Variants in CACNA2D4 observed in about 807,000 individuals in gnomAD.
The protein encoded by CACNA2D4 is voltage-dependent calcium channel subunit alpha-2/delta-4.
In CACNA2D4, 157 loss-of-function variants were observed where a neutral mutation model predicts 163.8. The observed-to-expected ratio is 0.96, with a 90% CI of 0.84 to 1.09. The LOEUF is 1.09. Among genes scored for constraint, CACNA2D4 ranks in the 50% least tolerant of loss-of-function variants. The probability of loss-of-function intolerance (pLI) is 0.00; values close to 1 mark genes in which losing one functional copy is unlikely to be tolerated. For synonymous variants in CACNA2D4, 598 were observed against 586.9 expected (o/e 1.02, Z -0.27); for missense variants, 1,410 against 1,479.9 (o/e 0.95, Z 0.78).
intron 24 of CACNA2D4, among the ~76,000 whole-genome samples, chr12:1,845,671 C>T (rs537278029): frequency 5.3e-5 from 8 of 152,226 alleles, no homozygotes; most frequent in African/African-American, 1.4e-4. Context: ...CAGGTGGCAC[C>T]GCTCGGCCCC....
At chr12:1,821,199 G>A (rs574299729) in intron 26 of CACNA2D4, among the ~76,000 whole-genome samples, 70 of 152,330 alleles carry the variant, frequency 4.6e-4, no homozygotes, top group African/African-American at 1.6e-3. Flanking sequence ...CAAGAAACTC[G>A]GGGGTCATGG....
chr12:1,883,107 T>C lies in CACNA2D4; in HGVS notation c.1352-107A>G, dbSNP rs1866046577. ...GCAGATGGCTCATAGCCGAATACTCTCTGGAAACTGGACCGGGGCACAGGG... is the reference window on the plus strand; with the variant it reads ...GCAGATGGCTCATAGCCGAATACTCCCTGGAAACTGGACCGGGGCACAGGG... On this transcript the variant is annotated intron_variant, in intron 12 of 37. Transcript: ENST00000382722. This position sits in a 1 kb window ranked among gnomAD's most constrained non-coding sequence, Gnocchi z 4.5. The C allele has an allele frequency of 3.9e-6, 5 of 1,267,228 alleles. No individual in the cohort carries two copies. The highest frequency in any genetic ancestry group is 5.4e-6 in the Non-Finnish European group (5 of 921,752). The allele number at this position is 1,267,228 out of a possible 1,614,324, so 78.5% of individuals were successfully genotyped here.
intron 6 of CACNA2D4, among the ~76,000 whole-genome samples, chr12:1,904,072 C>T (rs372377706): frequency 7.9e-5 from 12 of 152,116 alleles, no homozygotes; most frequent in African/African-American, 2.6e-4. Context: ...TCATTTGCAA[C>T]AACATGAATG....
At position 1,797,923 on chromosome 12, in the gene CACNA2D4, C is replaced by T. The variant is rs117705360; in HGVS notation, c.2996-388G>A. Among the ~76,000 whole-genome samples, 1,363 of 152,244 alleles carry T rather than the reference C, an allele frequency of 9.0e-3. 10 individuals are homozygous for T. Among genetic ancestry groups the T allele is most frequent in the Non-Finnish European group, 0.013 (896 of 67,982 alleles). On this transcript the variant is annotated intron_variant, in intron 34 of 37. Coordinates refer to ENST00000382722, the MANE Select transcript of CACNA2D4 (RefSeq NM_172364.5). ...GGCACCAAGGGGTGGCTTGGGGGTA[C>T]TTAGGCCCACCACCCCTCCCTTCAC... is the stretch of plus-strand genomic sequence containing the variant.
At chr12:1,857,185 T>C (rs1865418680) in intron 20 of CACNA2D4, among the ~76,000 whole-genome samples, 1 of 152,168 alleles carries the variant, frequency 6.6e-6, no homozygotes, top group Non-Finnish European at 1.5e-5. Flanking sequence ...ATCTGTGCTG[T>C]GGAAGGGCAG....
chr12:1,812,573 C>A (rs190876361), intron 26 of CACNA2D4, among the ~76,000 whole-genome samples: 4 of 152,248 alleles, frequency 2.6e-5, no homozygotes, highest in African/African-American at 9.6e-5. Flanking sequence ...CTGCGCTGGG[C>A]GCTTAGAACG....
In CACNA2D4 at chr12:1,806,101, C is replaced by T. The variant is rs553125343; in HGVS notation, c.2721+4177G>A. 1.3e-5 allele frequency among the ~76,000 whole-genome samples: 2 copies of T among 152,188 alleles called. No homozygotes were observed. Among genetic ancestry groups the T allele is most frequent in the African/African-American group, 4.8e-5 (2 of 41,432 alleles). On this transcript the variant is annotated intron_variant, in intron 29 of 37. Transcript: ENST00000382722. This position sits in a 1 kb window ranked among gnomAD's most constrained non-coding sequence, Gnocchi z 4.1. ...AGGGAAAGGTGCTGGGATGGGGCCTCGGATTTTCTAGGCTGCAGTTGCTGC... is the reference window on the plus strand; with the variant it reads ...AGGGAAAGGTGCTGGGATGGGGCCTTGGATTTTCTAGGCTGCAGTTGCTGC...
chr12:1,831,784 C>A (rs1864646823), intron 26 of CACNA2D4, among the ~76,000 whole-genome samples: 2 of 151,374 alleles, frequency 1.3e-5, no homozygotes, highest in African/African-American at 2.4e-5. Flanking sequence ...ATCCCCTCCC[C>A]CAGCCAGCTC....
At chr12:1,795,547 G>T (rs904470348) in intron 36 of CACNA2D4, 121 bp downstream of exon 36, 3 of 839,500 alleles carry the variant, frequency 3.6e-6, no homozygotes, top group Non-Finnish European at 5.5e-6. Context: ...ACAAATAACG[G>T]AGCCCTGTGG....
chr12:1,856,214 A>T lies in CACNA2D4; in HGVS notation c.2024T>A (p.Leu675His). ...TSVEEGLHDL[L>H]HPDLALAGDW... ...ACCGGCCAGGGCCAGGTCTGGGTGA[A>T]GCAAGTCATGCAGGCCTGAAACCAG... The change falls in exon 21 of 38, where the codon CTT becomes CAT. Residue 675 changes from leucine (L) to histidine (H), a missense_variant. Coordinates refer to ENST00000382722, the MANE Select transcript of CACNA2D4 (RefSeq NM_172364.5). 6.2e-7 allele frequency: 1 copy of T among 1,614,022 alleles called. No individual in the cohort carries two copies. The highest frequency in any genetic ancestry group is 8.5e-7 in the Non-Finnish European group (1 of 1,179,896).
chr12:1,817,794 T>C (rs1174155903), intron 26 of CACNA2D4, among the ~76,000 whole-genome samples: 1 of 152,018 alleles, frequency 6.6e-6, no homozygotes, highest in Non-Finnish European at 1.5e-5. Context: ...TGCTCAATGG[T>C]GCCCAGGCTG....
intron 37 of CACNA2D4, among the ~76,000 whole-genome samples, chr12:1,794,201 T>G (rs1172568094): frequency 1.3e-5 from 2 of 152,136 alleles, no homozygotes; most frequent in Non-Finnish European, 2.9e-5. Context: ...GTAGCGGGAA[T>G]GAGGACAAGA....
At chr12:1,892,708 T>TA (rs372754012) in intron 6 of CACNA2D4, among the ~76,000 whole-genome samples, 17 of 150,994 alleles carry the variant, frequency 1.1e-4, no homozygotes, top group South Asian at 4.2e-4. Flanking sequence ...CTGAATGGTT[T>TA]AAAAAAAAAG....
At chr12:1,896,495 AAATGGCC>A (rs1327470005) in intron 6 of CACNA2D4, among the ~76,000 whole-genome samples, 1 of 152,172 alleles carries the variant, frequency 6.6e-6, no homozygotes, top group Non-Finnish European at 1.5e-5. Flanking sequence ...GAAGACATAC[AAATGGCC>A]AATAGATATA....
At position 1,875,795 on chromosome 12, in the gene CACNA2D4, C is replaced by T. The variant is rs561635887; in HGVS notation, c.1720-458G>A. 1.2e-3 allele frequency among the ~76,000 whole-genome samples: 181 copies of T among 152,332 alleles called. No homozygotes were observed. Among genetic ancestry groups the T allele is most frequent in the African/African-American group, 4.2e-3 (176 of 41,566 alleles). Reference sequence around the variant, plus strand: ...CTTCACTGCTCCAACTGAGTTTGCCCGGTGTGCAGGTGCCTCAGCTCCCTC... The same window carrying T: ...CTTCACTGCTCCAACTGAGTTTGCCTGGTGTGCAGGTGCCTCAGCTCCCTC... On this transcript the variant is annotated intron_variant, in intron 16 of 37. Coordinates refer to ENST00000382722, the MANE Select transcript of CACNA2D4 (RefSeq NM_172364.5). This position sits in a 1 kb window ranked among gnomAD's most constrained non-coding sequence, Gnocchi z 4.0.
At chr12:1,859,470 T>G (rs1049644458) in intron 19 of CACNA2D4, among the ~76,000 whole-genome samples, 2 of 152,148 alleles carry the variant, frequency 1.3e-5, no homozygotes, top group African/African-American at 4.8e-5. Flanking sequence ...AATCAGATAA[T>G]TCAGAGGTAA....
intron 9 of CACNA2D4, 64 bp downstream of exon 9, chr12:1,885,901 A>G (rs1355845537): frequency 8.3e-7 from 1 of 1,199,302 alleles, no homozygotes; most frequent in African/African-American, 1.5e-5. Flanking sequence ...GTCTACAGAG[A>G]CAACCGCCCA....
At chr12:1,796,162 C>A (rs1863119220) in intron 35 of CACNA2D4, among the ~76,000 whole-genome samples, 1 of 152,184 alleles carries the variant, frequency 6.6e-6, no homozygotes, top group East Asian at 1.9e-4. Flanking sequence ...CAGGCCCGGG[C>A]GAAGCGGCAG....
chr12:1,810,317 G>GT lies in CACNA2D4; in HGVS notation c.2681dup (p.Asp894GlufsTer43). 6.2e-7 allele frequency: 1 copy of GT among 1,613,946 alleles called. No individual in the cohort carries two copies. The highest frequency in any genetic ancestry group is 1.6e-4 in the Middle Eastern group (1 of 6,062). On this transcript the variant is annotated frameshift_variant, in exon 29 of 38. Transcript: ENST00000382722. LOFTEE classifies it high-confidence loss of function. The stretch of plus-strand genomic sequence containing the variant: ...TGGAGATCAGAATGAACCCGTTGTT[G>GT]TCGATGACGAAGCAGTCCAGATCCT...
Sources: allele counts gnomAD v4.1 joint callset (sites outside exome capture counted in the v4.1 genomes callset), GRCh38; gene constraint gnomAD v4.1.1; non-coding constraint Gnocchi (gnomAD v3.1); transcripts MANE v1.5; gene names NCBI Gene and HGNC (gene_info 2026-07-23, HGNC 2026-07-21).